Variants in RASGRP3 observed in about 807,000 individuals in gnomAD.
The protein encoded by RASGRP3 is ras guanyl-releasing protein 3.
RASGRP3 carries 54 observed loss-of-function variants against 82.7 expected under a neutral mutation model. The ratio of observed to expected loss-of-function variants is 0.65; its 90% CI spans 0.52 to 0.82. RASGRP3 has a LOEUF of 0.82. Among genes scored for constraint, RASGRP3 ranks in the 40% least tolerant of loss-of-function variants. RASGRP3 has a pLI of 0.00. For missense variants in RASGRP3, 861 were observed against 828.9 expected (o/e 1.04, Z -0.48); for synonymous variants, 309 against 300.5 (o/e 1.03, Z -0.29).
intron 1 of RASGRP3, among the ~76,000 whole-genome samples, chr2:33,479,987 G>A (rs572835137): frequency 1.5e-4 from 23 of 151,766 alleles, no homozygotes; most frequent in East Asian, 5.8e-4. Context: ...CTGCAAGGTC[G>A]TTCTGGCAAG....
intron 2 of RASGRP3, among the ~76,000 whole-genome samples, chr2:33,463,995 G>A (rs969841983): frequency 2.0e-5 from 3 of 151,732 alleles, no homozygotes; most frequent in African/African-American, 4.8e-5. Context: ...CAAATTGAAA[G>A]TTTAAGGCAA....
chr2:33,521,132 G>A (rs1406926337), intron 6 of RASGRP3, among the ~76,000 whole-genome samples: 1 of 152,154 alleles, frequency 6.6e-6, no homozygotes. Flanking sequence ...GCACTTTAAA[G>A]ATCCCCAAGT....
chr2:33,543,246 C>T (rs1674437861), intron 12 of RASGRP3, among the ~76,000 whole-genome samples: 1 of 152,160 alleles, frequency 6.6e-6, no homozygotes, highest in African/African-American at 2.4e-5. Context: ...AACTCTTGGG[C>T]TCAAGTGATC....
At chr2:33,539,579 A>C (rs1674026414) in intron 12 of RASGRP3, 1 of 162,872 alleles carries the variant, frequency 6.1e-6, no homozygotes, top group East Asian at 1.7e-4. Flanking sequence ...GGCAGGAAAG[A>C]AATCCTGTAA....
chr2:33,459,845 T>C (rs1266162784), intron 2 of RASGRP3, among the ~76,000 whole-genome samples: 1 of 152,124 alleles, frequency 6.6e-6, no homozygotes, highest in African/African-American at 2.4e-5. Flanking sequence ...GAACAAGCAA[T>C]AAATTTTTTT....
intron 1 of RASGRP3, among the ~76,000 whole-genome samples, chr2:33,438,127 T>A (rs1038375506): frequency 2.0e-5 from 3 of 152,264 alleles, no homozygotes; most frequent in African/African-American, 7.2e-5. Context: ...GTTTACATTA[T>A]GAGAATGAAA....
chr2:33,526,561 TG>T (rs1461068909), intron 9 of RASGRP3, among the ~76,000 whole-genome samples: 1 of 152,242 alleles, frequency 6.6e-6, no homozygotes, highest in Non-Finnish European at 1.5e-5. Flanking sequence ...TATAGAGGCT[TG>T]GAGAACTACC....
At chr2:33,508,178 A>C in intron 1 of RASGRP3, among the ~76,000 whole-genome samples, 1 of 152,132 alleles carries the variant, frequency 6.6e-6, no homozygotes, top group East Asian at 1.9e-4. Context: ...TTGTGGGAGG[A>C]AAATGATGAG....
chr2:33,442,883 G>GTT (rs55978823), intron 1 of RASGRP3, among the ~76,000 whole-genome samples: 2 of 138,564 alleles, frequency 1.4e-5, no homozygotes, highest in Non-Finnish European at 3.2e-5. Context: ...AATCACTATT[G>GTT]TTTTTTTTTT....
At chr2:33,533,512 C>T (rs1673303086) in intron 10 of RASGRP3, 1 of 152,224 alleles carries the variant, frequency 6.6e-6, no homozygotes, top group African/African-American at 2.4e-5. Flanking sequence ...AAATACTTTA[C>T]ATGCATTATT....
chr2:33,556,996 A>G (rs1373122909), intron 15 of RASGRP3, among the ~76,000 whole-genome samples: 1 of 151,378 alleles, frequency 6.6e-6, no homozygotes, highest in Non-Finnish European at 1.5e-5. Flanking sequence ...AATGGCACAT[A>G]AAGTGAAAAA....
chr2:33,507,159 G>T (rs1670455974), intron 1 of RASGRP3, among the ~76,000 whole-genome samples: 1 of 152,196 alleles, frequency 6.6e-6, no homozygotes, highest in South Asian at 2.1e-4. Context: ...ACTTTGGGAG[G>T]CCAAGGTGGG....
intron 1 of RASGRP3, among the ~76,000 whole-genome samples, chr2:33,504,391 C>T (rs896548614): frequency 5.9e-5 from 9 of 152,148 alleles, no homozygotes; most frequent in South Asian, 2.1e-4. Context: ...TTATGTCTCC[C>T]GCATGGGATT....
intron 17 of RASGRP3, among the ~76,000 whole-genome samples, chr2:33,559,986 A>C (rs1676467129): frequency 6.6e-6 from 1 of 152,212 alleles, no homozygotes; most frequent in African/African-American, 2.4e-5. Context: ...ATCTCTGGTC[A>C]TACAAGGTTT....
intron 12 of RASGRP3, among the ~76,000 whole-genome samples, chr2:33,541,798 T>G (rs973598584): frequency 6.8e-6 from 1 of 147,742 alleles, no homozygotes; most frequent in Non-Finnish European, 1.5e-5. Flanking sequence ...TTTTTTTGCA[T>G]TTTATTAAAT....
At chr2:33,449,009 A>T (rs1411611792) in intron 2 of RASGRP3, among the ~76,000 whole-genome samples, 1 of 152,266 alleles carries the variant, frequency 6.6e-6, no homozygotes, top group African/African-American at 2.4e-5. Flanking sequence ...ATTCATTAGG[A>T]CACAAATTTA....
chr2:33,562,871 G>A lies in RASGRP3; in HGVS notation c.*134G>A. The A allele has an allele frequency of 1.7e-6, 2 of 1,185,688 alleles. No homozygotes were observed. Among genetic ancestry groups the A allele is most frequent in the Admixed American group, 2.2e-5 (1 of 46,228 alleles). The allele number at this position is 1,185,688 out of a possible 1,614,324, so 73.4% of individuals were successfully genotyped here. ...GATGTTTACTGCCTTGGGACACTGTGGGATCTCCATGTTTGGACTATGGGA... is the reference window on the plus strand; with the variant it reads ...GATGTTTACTGCCTTGGGACACTGTAGGATCTCCATGTTTGGACTATGGGA... On this transcript the variant is annotated 3_prime_UTR_variant, in exon 18 of 18. Transcript: ENST00000403687.
chr2:33,494,708 T>C (rs1669159129), intron 1 of RASGRP3, among the ~76,000 whole-genome samples: 1 of 152,226 alleles, frequency 6.6e-6, no homozygotes, highest in African/African-American at 2.4e-5. Context: ...TTTCTCTAAA[T>C]CTTTACAAAG....
intron 1 of RASGRP3, among the ~76,000 whole-genome samples, chr2:33,447,604 T>G (rs1665574106): frequency 6.6e-6 from 1 of 152,034 alleles, no homozygotes. Context: ...CCTGGCTAAT[T>G]TTTTGTGTTA....
Sources: allele counts gnomAD v4.1 joint callset (sites outside exome capture counted in the v4.1 genomes callset), GRCh38; gene constraint gnomAD v4.1.1; transcripts MANE v1.5; gene names NCBI Gene and HGNC (gene_info 2026-07-23, HGNC 2026-07-21).